The following GRIK4 variants were observed in gnomAD, a reference collection of about 807,000 sequenced individuals.
GRIK4 encodes the protein glutamate receptor ionotropic, kainate 4.
Under a neutral mutation model 104.9 loss-of-function variants are expected in GRIK4, and 40 were observed. The ratio of observed to expected loss-of-function variants is 0.38; its 90% CI spans 0.30 to 0.50. The LOEUF (loss-of-function observed/expected upper bound fraction) is 0.50. Among genes scored for constraint, GRIK4 ranks in the 20% least tolerant of loss-of-function variants. GRIK4 has a pLI of 0.93. For missense variants in GRIK4, 1,047 were observed against 1,308.1 expected, an observed-to-expected ratio of 0.80 and a Z score of 3.08; for synonymous variants, 485 against 524.9, an observed-to-expected ratio of 0.92 and a Z score of 1.04.
At chr11:120,936,250 C>A (rs372886460) in intron 13 of GRIK4, 1 of 484,660 alleles carries the variant, frequency 2.1e-6, no homozygotes, top group South Asian at 1.6e-5. Flanking sequence ...AGTCATCTGC[C>A]GCCGTGTTAG....
At chr11:120,972,798 G>A (rs1216113114) in intron 19 of GRIK4, among the ~76,000 whole-genome samples, 2 of 152,132 alleles carry the variant, frequency 1.3e-5, no homozygotes, top group Non-Finnish European at 2.9e-5. Flanking sequence ...GAGTTTGGCT[G>A]TGTAATGGGC....
In GRIK4 at chr11:120,836,823, C is replaced by T; in HGVS notation, c.723C>T (p.Tyr241=). The stretch of plus-strand genomic sequence containing the variant: ...AACTTGGGATGGTGTCAGCCTATTA[C>T]ACATACATCTTCACTAATCTGGTAA... ...AAELGMVSAY[Y]TYIFTNLEFS... The change falls in exon 8 of 21, where the codon TAC becomes TAT. Residue 241 remains tyrosine, a synonymous_variant. Transcript: ENST00000527524. The T allele has an allele frequency of 6.2e-7, 1 of 1,600,050 alleles. No homozygotes were observed. Among genetic ancestry groups the T allele is most frequent in the Non-Finnish European group, 8.6e-7 (1 of 1,167,092 alleles).
At chr11:120,860,164 G>A (rs1954223141) in intron 8 of GRIK4, among the ~76,000 whole-genome samples, 1 of 152,240 alleles carries the variant, frequency 6.6e-6, no homozygotes, top group South Asian at 2.1e-4. Context: ...TGGAAGTCCT[G>A]TGTACCCCCA....
intron 3 of GRIK4, among the ~76,000 whole-genome samples, chr11:120,766,321 C>G (rs1414528644): frequency 6.6e-6 from 1 of 152,214 alleles, no homozygotes; most frequent in Non-Finnish European, 1.5e-5. Flanking sequence ...CCTGAGCATC[C>G]CAGGTCGACT....
chr11:120,752,117 A>G (rs926270015), intron 3 of GRIK4, among the ~76,000 whole-genome samples: 2 of 152,140 alleles, frequency 1.3e-5, no homozygotes, highest in Non-Finnish European at 2.9e-5. Flanking sequence ...TCCTCCCACA[A>G]CCTGTGAAGA....
chr11:120,527,211 C>T (rs1465272545), intron 1 of GRIK4, among the ~76,000 whole-genome samples: 5 of 152,254 alleles, frequency 3.3e-5, no homozygotes, highest in Non-Finnish European at 7.3e-5. Context: ...GCTGCGTCAT[C>T]TTTGTGGCTC....
chr11:120,670,619 G>A (rs1274570746), intron 3 of GRIK4, among the ~76,000 whole-genome samples: 2 of 152,208 alleles, frequency 1.3e-5, no homozygotes, highest in African/African-American at 4.8e-5. Context: ...ACTTTCTCAT[G>A]CCATGCAGGT....
At chr11:120,624,508 A>G (rs927227294) in intron 1 of GRIK4, among the ~76,000 whole-genome samples, 2 of 152,058 alleles carry the variant, frequency 1.3e-5, no homozygotes, top group Non-Finnish European at 2.9e-5. Flanking sequence ...GTGCTCCTAG[A>G]GGGCTGTCCT....
chr11:120,959,054 G>C (rs754070744), intron 16 of GRIK4, among the ~76,000 whole-genome samples: 1 of 152,146 alleles, frequency 6.6e-6, no homozygotes, highest in African/African-American at 2.4e-5. Context: ...TCAGTCTGAT[G>C]GTCTCTCTAT....
intron 3 of GRIK4, among the ~76,000 whole-genome samples, chr11:120,710,647 G>A (rs755287257): frequency 1.3e-5 from 2 of 152,134 alleles, no homozygotes; most frequent in Non-Finnish European, 2.9e-5. Flanking sequence ...GGTCAAAGGC[G>A]ATCCCTTTCT....
At chr11:120,774,861 A>AGTGT (rs1952010823) in intron 3 of GRIK4, among the ~76,000 whole-genome samples, 1 of 152,166 alleles carries the variant, frequency 6.6e-6, no homozygotes. Context: ...AGTGTGAGGG[A>AGTGT]GTGTGTGAAT....
In GRIK4 at chr11:120,776,342, A is replaced by G. The variant is rs1952042779; in HGVS notation, c.83-26351A>G. On this transcript the variant is annotated intron_variant, in intron 3 of 20. Coordinates refer to ENST00000527524, the MANE Select transcript of GRIK4 (RefSeq NM_014619.5). ...CTGTGTCTGCCCTCGCTCAGAGGGA[A>G]GCTGAGTTCCAGGCATTCTTTCCAC... Among the ~76,000 whole-genome samples, 2 of 152,198 alleles carry G rather than the reference A, an allele frequency of 1.3e-5. 1 individual carries two copies. Among genetic ancestry groups the G allele is most frequent in the Non-Finnish European group, 2.9e-5 (2 of 68,034 alleles).
At chr11:120,863,425 A>G (rs1336132692) in intron 9 of GRIK4, among the ~76,000 whole-genome samples, 2 of 152,258 alleles carry the variant, frequency 1.3e-5, no homozygotes, top group Admixed American at 1.3e-4. Context: ...GTGTAAGCAC[A>G]CACTGTGATG....
chr11:120,739,919 C>T (rs1408121179), intron 3 of GRIK4, among the ~76,000 whole-genome samples: 1 of 152,220 alleles, frequency 6.6e-6, no homozygotes, highest in East Asian at 1.9e-4. Context: ...CACACACAGA[C>T]CAAACCCATT....
intron 1 of GRIK4, among the ~76,000 whole-genome samples, chr11:120,597,454 A>T (rs569501818): frequency 1.3e-5 from 2 of 152,294 alleles, no homozygotes; most frequent in Admixed American, 1.3e-4. Flanking sequence ...CAACAGGTGA[A>T]GATCTGACCT....
intron 1 of GRIK4, chr11:120,620,064 A>C (rs1949166277): frequency 1.5e-6 from 1 of 662,600 alleles, no homozygotes; most frequent in Non-Finnish European, 2.8e-6. Flanking sequence ...TTGATAGCAC[A>C]TGTGAAGGTA....
intron 1 of GRIK4, among the ~76,000 whole-genome samples, chr11:120,533,798 A>T (rs926790000): frequency 1.3e-5 from 2 of 152,206 alleles, no homozygotes; most frequent in Non-Finnish European, 2.9e-5. Context: ...AATTGCTTGA[A>T]TCCAGGAGGC....
At chr11:120,827,058 A>G (rs1441888610) in intron 6 of GRIK4, among the ~76,000 whole-genome samples, 4 of 152,206 alleles carry the variant, frequency 2.6e-5, no homozygotes, top group Non-Finnish European at 1.5e-5. Flanking sequence ...TCAATCTTAT[A>G]TGAACTGCTT....
chr11:120,721,393 T>C (rs1950931665), intron 3 of GRIK4, among the ~76,000 whole-genome samples: 1 of 152,044 alleles, frequency 6.6e-6, no homozygotes, highest in Non-Finnish European at 1.5e-5. Context: ...AATAGAAAAA[T>C]CAAGGTGCAG....
Sources: gnomAD v4.1 joint callset for allele counts (sites outside exome capture counted in the v4.1 genomes callset) on GRCh38, gnomAD v4.1.1 for gene constraint, MANE v1.5 for transcripts, NCBI Gene and HGNC (gene_info 2026-07-23, HGNC 2026-07-21) for gene names.